The following SSBP3 variants were observed in gnomAD, a reference collection of about 807,000 sequenced individuals.
SSBP3 encodes single stranded DNA binding protein 3.
A neutral mutation model predicts 69.6 loss-of-function variants in SSBP3; 5 were observed. The ratio of observed to expected loss-of-function variants is 0.07; its 90% CI spans 0.04 to 0.15. The LOEUF (loss-of-function observed/expected upper bound fraction) is 0.15, where lower values mean the gene tolerates loss of function less well. Ranked by LOEUF, SSBP3 falls within the 10% of genes least tolerant of loss-of-function variation. SSBP3 has a pLI of 1.00. For missense variants in SSBP3, 312 were observed against 534.0 expected (o/e 0.58, Z 4.10); for synonymous variants, 196 against 193.4 (o/e 1.01, Z -0.11).
At chr1:54,385,850 G>A (rs1409962825) in intron 4 of SSBP3, among the ~76,000 whole-genome samples, 1 of 152,204 alleles carries the variant, frequency 6.6e-6, no homozygotes, top group East Asian at 1.9e-4. Flanking sequence ...GGGCGCTCTT[G>A]TGGGGATTAG....
intron 9 of SSBP3, among the ~76,000 whole-genome samples, chr1:54,248,673 C>A (rs769012768): frequency 3.3e-5 from 5 of 152,160 alleles, no homozygotes; most frequent in Non-Finnish European, 5.9e-5. Flanking sequence ...TGACCACAGA[C>A]CCTGTAATCC....
chr1:54,380,315 C>A (rs1200695696), intron 4 of SSBP3, among the ~76,000 whole-genome samples: 2 of 152,142 alleles, frequency 1.3e-5, no homozygotes, highest in Non-Finnish European at 1.5e-5. Flanking sequence ...CCCCCATGCC[C>A]AAATGCTTGA....
chr1:54,259,455 G>A (rs549565444), intron 5 of SSBP3, among the ~76,000 whole-genome samples: 155 of 152,314 alleles, frequency 1.0e-3, no homozygotes, highest in African/African-American at 3.5e-3. Flanking sequence ...TCGGAAGCAC[G>A]TTCCAGCCCA....
Position 54,335,029 on chromosome 1 carries a change from C to T in SSBP3, c.277-53502G>A, listed in dbSNP as rs143462553. The stretch of plus-strand genomic sequence containing the variant: ...AGAGGCACTGCCCCGGGAAGAGCTG[C>T]AACCCCCAGGAAAGGACAAGGGCCT... On this transcript the variant is annotated intron_variant, in intron 4 of 17. Coordinates refer to ENST00000610401, the Ensembl canonical transcript of SSBP3. Among the ~76,000 whole-genome samples the T allele has an allele frequency of 7.9e-5, 12 of 152,334 alleles. No homozygotes were observed. The East Asian group carries it at 2.3e-3, about 29-fold the overall frequency.
chr1:54,325,712 G>GT (rs1321566285), intron 4 of SSBP3, among the ~76,000 whole-genome samples: 1 of 152,142 alleles, frequency 6.6e-6, no homozygotes, highest in Non-Finnish European at 1.5e-5. Context: ...AAAATCACAT[G>GT]TAAGTAGAAC....
At chr1:54,242,380 G>A (rs887144049) in intron 10 of SSBP3, among the ~76,000 whole-genome samples, 168 bp from the exon 11 acceptor site, 2 of 152,214 alleles carry the variant, frequency 1.3e-5, no homozygotes, top group African/African-American at 4.8e-5. Context: ...AACTTCATGG[G>A]TGGAAATCTA....
chr1:54,403,186 C>A (rs1464421234), intron 3 of SSBP3, among the ~76,000 whole-genome samples: 1 of 152,176 alleles, frequency 6.6e-6, no homozygotes, highest in Non-Finnish European at 1.5e-5. Flanking sequence ...ACAGACTCTA[C>A]GTTCCTGCGG....
intron 4 of SSBP3, among the ~76,000 whole-genome samples, chr1:54,374,295 C>T (rs1223892500): frequency 6.6e-6 from 1 of 152,340 alleles, no homozygotes; most frequent in African/African-American, 2.4e-5. Flanking sequence ...CAGCCTGCAG[C>T]CCTGGTTCCT....
intron 4 of SSBP3, among the ~76,000 whole-genome samples, chr1:54,304,054 C>T (rs1645852440): frequency 6.6e-6 from 1 of 152,030 alleles, no homozygotes; most frequent in African/African-American, 2.4e-5. Context: ...GAGAAGGTGG[C>T]CCTTGTCAAG....
chr1:54,303,037 C>A (rs915477099), intron 4 of SSBP3, among the ~76,000 whole-genome samples: 4 of 152,334 alleles, frequency 2.6e-5, no homozygotes, highest in African/African-American at 7.2e-5. Context: ...AACAAGATAA[C>A]TGCCAGGCTA....
At chr1:54,407,001 C>G (rs1172289668), upstream of SSBP3, among the ~76,000 whole-genome samples, 1 of 152,094 alleles carries the variant, frequency 6.6e-6, no homozygotes, top group African/African-American at 2.4e-5. Flanking sequence ...GTCTGGCTTC[C>G]GAGCGCCGGG....
At chr1:54,313,407 G>A (rs962714946) in intron 4 of SSBP3, among the ~76,000 whole-genome samples, 2 of 151,036 alleles carry the variant, frequency 1.3e-5, no homozygotes, top group African/African-American at 4.9e-5. Context: ...GGAACTAGGG[G>A]GGCTCACACC....
At chr1:54,326,094 G>A (rs1019836254) in intron 4 of SSBP3, among the ~76,000 whole-genome samples, 3 of 152,108 alleles carry the variant, frequency 2.0e-5, no homozygotes, top group Non-Finnish European at 4.4e-5. Context: ...AGCAGCAGCC[G>A]CAGCTCAAAC....
intron 4 of SSBP3, among the ~76,000 whole-genome samples, chr1:54,398,551 T>C (rs186338805): frequency 3.3e-4 from 51 of 152,312 alleles, no homozygotes; most frequent in African/African-American, 1.2e-3. Flanking sequence ...GAGACACTCA[T>C]GCAGCTGAAA....
chr1:54,285,054 G>A lies in SSBP3; in HGVS notation c.277-3527C>T, dbSNP rs147149212. Among the ~76,000 whole-genome samples, 91 of 152,340 alleles carry A rather than the reference G, an allele frequency of 6.0e-4. No individual in the cohort carries two copies. The East Asian group carries it at 0.017, about 28-fold the overall frequency. On this transcript the variant is annotated intron_variant, in intron 4 of 17. Transcript: ENST00000610401. The stretch of plus-strand genomic sequence containing the variant: ...AGACCATGTTAGCATTGACTAAGGG[G>A]CAGGAAGCTGAGGAGACGCCTTTAT...
At chr1:54,265,736 A>G (rs914364409) in intron 5 of SSBP3, among the ~76,000 whole-genome samples, 1 of 152,174 alleles carries the variant, frequency 6.6e-6, no homozygotes, top group African/African-American at 2.4e-5. Context: ...AATACCAGGG[A>G]TCCTTACAGC....
At chr1:54,240,097 CGCGTGT>C (rs1644594296) in intron 13 of SSBP3, among the ~76,000 whole-genome samples, 1 of 12,642 alleles carries the variant, frequency 7.9e-5, no homozygotes, top group African/African-American at 6.0e-4. Context: ...TGCGCGCGCG[CGCGTGT>C]GCGTGCGCGC....
chr1:54,335,827 G>A (rs927208152), intron 4 of SSBP3: 3 of 152,272 alleles, frequency 2.0e-5, no homozygotes, highest in African/African-American at 7.2e-5. Context: ...GCTTCTCCCA[G>A]GCTGGACAAG....
intron 4 of SSBP3, among the ~76,000 whole-genome samples, chr1:54,318,842 T>C (rs1646161917): frequency 6.6e-6 from 1 of 152,168 alleles, no homozygotes; most frequent in Non-Finnish European, 1.5e-5. Context: ...AGTTACAATA[T>C]CCTTAAAACT....
Sources: gnomAD v4.1 joint callset for allele counts (sites outside exome capture counted in the v4.1 genomes callset) on GRCh38, gnomAD v4.1.1 for gene constraint, MANE v1.5 for transcripts, NCBI Gene and HGNC (gene_info 2026-07-23, HGNC 2026-07-21) for gene names.